CMTM7: variants seen among roughly 807,000 people sequenced by gnomAD.
The protein encoded by CMTM7 is CKLF-like MARVEL transmembrane domain-containing protein 7.
CMTM7 carries 7 observed loss-of-function variants against 19.3 expected under a neutral mutation model. The observed-to-expected ratio is 0.36, with a 90% CI of 0.21 to 0.68. The LOEUF (loss-of-function observed/expected upper bound fraction) is 0.68, where lower values mean the gene tolerates loss of function less well. Among genes scored for constraint, CMTM7 ranks in the 30% least tolerant of loss-of-function variants. CMTM7 has a pLI of 0.60. For missense variants in CMTM7, 193 were observed against 232.6 expected, an observed-to-expected ratio of 0.83 and a Z score of 1.11; for synonymous variants, 87 against 99.3, an observed-to-expected ratio of 0.88 and a Z score of 0.74.
At chr3:32,415,796 C>T (rs1042677998) in intron 1 of CMTM7, among the ~76,000 whole-genome samples, 1 of 152,208 alleles carries the variant, frequency 6.6e-6, no homozygotes, top group Non-Finnish European at 1.5e-5. Flanking sequence ...ACAAGGTCTT[C>T]ATTTCCTTTT....
intron 2 of CMTM7, among the ~76,000 whole-genome samples, chr3:32,443,612 A>G (rs966091999): frequency 5.3e-5 from 8 of 152,178 alleles, no homozygotes; most frequent in Admixed American, 4.6e-4. Flanking sequence ...TCATATGGTC[A>G]CTTTGTGTTT....
chr3:32,452,990 C>A (rs1212142150), intron 4 of CMTM7, among the ~76,000 whole-genome samples: 1 of 128,286 alleles, frequency 7.8e-6, no homozygotes, highest in Non-Finnish European at 1.6e-5. Context: ...AGGCTGGTCT[C>A]AAACTCCTGG....
chr3:32,407,237 C>G, intron 1 of CMTM7, among the ~76,000 whole-genome samples: 1 of 152,180 alleles, frequency 6.6e-6, no homozygotes, highest in East Asian at 1.9e-4. Context: ...TGTTTTCTTG[C>G]CCAGGCATGC....
chr3:32,406,246 C>G (rs752750992), intron 1 of CMTM7, among the ~76,000 whole-genome samples: 6 of 152,180 alleles, frequency 3.9e-5, no homozygotes, highest in African/African-American at 1.4e-4. Context: ...TTTAACTAGT[C>G]CCCTACTGAC....
At chr3:32,446,339 A>T (rs1696752596) in intron 2 of CMTM7, among the ~76,000 whole-genome samples, 1 of 152,110 alleles carries the variant, frequency 6.6e-6, no homozygotes, top group Non-Finnish European at 1.5e-5. Context: ...CTGTAAGTGC[A>T]GTAGTAATGT....
In CMTM7 at chr3:32,442,020, G is replaced by C; in HGVS notation, c.333+7G>C. Reference sequence around the variant, plus strand: ...TATCAGCTGGCCCCTGTCGGTAAGAGAGTGGTCTGGCCCTGTCCTCCGCAT... The same window carrying C: ...TATCAGCTGGCCCCTGTCGGTAAGACAGTGGTCTGGCCCTGTCCTCCGCAT... On this transcript the variant is annotated splice_region_variant and intron_variant, in intron 2 of 4. Coordinates refer to ENST00000334983, the MANE Select transcript of CMTM7 (RefSeq NM_138410.4). The C allele has an allele frequency of 6.2e-7, 1 of 1,613,790 alleles. No individual in the cohort carries two copies. The highest frequency in any genetic ancestry group is 8.5e-7 in the Non-Finnish European group (1 of 1,179,796).
intron 1 of CMTM7, among the ~76,000 whole-genome samples, chr3:32,412,531 A>ACACACACACACACACACACACC (rs1696193527): frequency 1.2e-5 from 1 of 85,144 alleles, no homozygotes. Flanking sequence ...ACACACACAC[A>ACACACACACACACACACACACC]CACACACACT....
intron 1 of CMTM7, among the ~76,000 whole-genome samples, chr3:32,406,667 G>C (rs570815188): frequency 2.0e-5 from 3 of 152,316 alleles, no homozygotes; most frequent in Admixed American, 6.5e-5. Flanking sequence ...TACAGGGAGT[G>C]TTCAAGTCAG....
chr3:32,392,070 GTGAGCGC>G lies in CMTM7; in HGVS notation c.159+6_159+12del. 1 of 1,233,480 alleles carries G rather than the reference GTGAGCGC, an allele frequency of 8.1e-7. No individual in the cohort carries two copies. The highest frequency in any genetic ancestry group is 1.0e-6 in the Non-Finnish European group (1 of 986,622). 76.4% of individuals were successfully genotyped at this position (1,233,480 alleles called of 1,614,324 possible). On this transcript the variant is annotated splice_donor_region_variant and intron_variant, in intron 1 of 4. Transcript: ENST00000334983. The stretch of plus-strand genomic sequence containing the variant: ...CTGCTGAAAGTGGCGCAAATGGTAA[GTGAGCGC>G]GGGGCGCGAGGCCGAGGTTCTACAG...
In CMTM7 at chr3:32,454,731, A is replaced by G. The variant is rs1034451448; in HGVS notation, c.*477A>G. On this transcript the variant is annotated 3_prime_UTR_variant, in exon 5 of 5. Transcript: ENST00000334983. ...AGTGAGGCGTGCCTGTAGAAACACT[A>G]TGTGGTCAGCCTGTCCCCAAGGAGA... is the stretch of plus-strand genomic sequence containing the variant. 3 of 327,276 alleles carry G rather than the reference A, an allele frequency of 9.2e-6. No individual in the cohort carries two copies. Among genetic ancestry groups the G allele is most frequent in the Non-Finnish European group, 1.8e-5 (3 of 164,314 alleles). The allele number at this position is 327,276 out of a possible 1,614,324, so 20.3% of individuals were successfully genotyped here.
chr3:32,416,723 G>T (rs1342562224), intron 1 of CMTM7, among the ~76,000 whole-genome samples: 1 of 152,180 alleles, frequency 6.6e-6, no homozygotes, highest in African/African-American at 2.4e-5. Flanking sequence ...TGCTGGGCAA[G>T]CTCAAAAAAG....
intron 1 of CMTM7, among the ~76,000 whole-genome samples, chr3:32,427,358 T>C (rs570094515): frequency 6.6e-6 from 1 of 152,242 alleles, no homozygotes; most frequent in South Asian, 2.1e-4. Context: ...CCTGCCTGGA[T>C]CTGAAGGAAG....
chr3:32,417,074 A>G (rs939936648), intron 1 of CMTM7, among the ~76,000 whole-genome samples: 7 of 152,226 alleles, frequency 4.6e-5, no homozygotes, highest in African/African-American at 1.7e-4. Context: ...TAGTCTGTTC[A>G]CAGAGTGTGT....
chr3:32,404,629 G>T (rs542752859), intron 1 of CMTM7, among the ~76,000 whole-genome samples: 1 of 152,302 alleles, frequency 6.6e-6, no homozygotes, highest in Admixed American at 6.5e-5. Flanking sequence ...TTTTTCCACC[G>T]TGGTGTGCTA....
chr3:32,435,720 C>G (rs1218741347), intron 1 of CMTM7, among the ~76,000 whole-genome samples: 1 of 152,056 alleles, frequency 6.6e-6, no homozygotes, highest in Non-Finnish European at 1.5e-5. Flanking sequence ...TCAGTAATGC[C>G]AAGGTTGAGA....
chr3:32,440,026 A>T (rs563691269), intron 1 of CMTM7, among the ~76,000 whole-genome samples: 16 of 152,188 alleles, frequency 1.1e-4, no homozygotes, highest in Non-Finnish European at 1.9e-4. Context: ...ACACAAAATC[A>T]TATACCCATA....
chr3:32,419,934 G>A (rs669317), intron 1 of CMTM7, among the ~76,000 whole-genome samples: 50,560 of 151,934 alleles, frequency 0.33, 8,950 homozygotes, highest in South Asian at 0.42. Flanking sequence ...CTGTGTGGTT[G>A]GTGTTCTTTT....
intron 1 of CMTM7, among the ~76,000 whole-genome samples, chr3:32,426,306 C>T (rs1183669883): frequency 6.6e-6 from 1 of 152,168 alleles, no homozygotes; most frequent in Non-Finnish European, 1.5e-5. Context: ...TATTTTCACA[C>T]CATGAGTCTT....
intron 1 of CMTM7, among the ~76,000 whole-genome samples, chr3:32,414,995 C>A (rs577915366): frequency 6.6e-6 from 1 of 152,160 alleles, no homozygotes; most frequent in East Asian, 1.9e-4. Context: ...TATTGTCTTG[C>A]CTCTCTTCTG....
Sources: gnomAD v4.1 joint callset for allele counts (sites outside exome capture counted in the v4.1 genomes callset) on GRCh38, gnomAD v4.1.1 for gene constraint, MANE v1.5 for transcripts, NCBI Gene and HGNC (gene_info 2026-07-23, HGNC 2026-07-21) for gene names.